The following SULT6B1 variants were observed in gnomAD, a reference collection of about 807,000 sequenced individuals.
SULT6B1 encodes the protein sulfotransferase family 6B member 1.
In SULT6B1, 44 loss-of-function variants were observed where a neutral mutation model predicts 37.2. The ratio of observed to expected loss-of-function variants is 1.18; its 90% CI spans 0.93 to 1.52. The LOEUF (loss-of-function observed/expected upper bound fraction) is 1.52. Among genes scored for constraint, SULT6B1 ranks in the 40% most tolerant of loss-of-function variants. SULT6B1 has a pLI of 0.00. For synonymous variants in SULT6B1, 140 were observed against 126.0 expected (o/e 1.11, Z -0.74); for missense variants, 450 against 361.0 (o/e 1.25, Z -2.00).
At chr2:37,181,155 T>G (rs6708343) in intron 3 of SULT6B1, among the ~76,000 whole-genome samples, 41,300 of 152,056 alleles carry the variant, frequency 0.27, 6,714 homozygotes, top group East Asian at 0.79. Flanking sequence ...TCAATGGGTC[T>G]GGGTCTTGTC....
At chr2:37,193,232 G>C (rs1049179010), upstream of SULT6B1, among the ~76,000 whole-genome samples, 8 of 150,734 alleles carry the variant, frequency 5.3e-5, no homozygotes, top group Non-Finnish European at 1.2e-4. Context: ...GAGGCAGGCG[G>C]ATTGCTTGAG....
Position 37,183,424 on chromosome 2 carries a change from C to A in SULT6B1, c.402+1G>T. The A allele has an allele frequency of 6.2e-7, 1 of 1,612,578 alleles. No homozygotes were observed. Among genetic ancestry groups the A allele is most frequent in the Non-Finnish European group, 8.5e-7 (1 of 1,178,674 alleles). On this transcript the variant is annotated splice_donor_variant, in intron 3 of 6. Coordinates refer to ENST00000535679, the MANE Select transcript of SULT6B1 (RefSeq NM_001367551.1). LOFTEE classifies it high-confidence loss of function. ...AATTATCAGTAGGAAAGGACACTCA[C>A]CTTGGCTTTATTCTCGAAGATAGAC...
intron 1 of SULT6B1, 147 bp downstream of exon 1, chr2:37,188,295 C>T (rs766706483): frequency 1.5e-5 from 9 of 609,730 alleles, no homozygotes; most frequent in Admixed American, 6.1e-5. Context: ...TTACAACCTA[C>T]GTACTTAACC....
At chr2:37,174,960 A>C (rs1418034468) in intron 5 of SULT6B1, among the ~76,000 whole-genome samples, 172 bp downstream of exon 5, 1 of 152,212 alleles carries the variant, frequency 6.6e-6, no homozygotes, top group Non-Finnish European at 1.5e-5. Context: ...TAAATAAACA[A>C]CCTAAGCATG....
At chr2:37,187,221 G>T in intron 2 of SULT6B1, 134 bp downstream of exon 2, 1 of 608,404 alleles carries the variant, frequency 1.6e-6, no homozygotes, top group South Asian at 2.1e-5. Context: ...CAGTGCTGAG[G>T]ATATGGTAAG....
In SULT6B1 at chr2:37,175,149, A is replaced by AT. The variant is rs1676388359; in HGVS notation, c.606dup (p.Tyr203IlefsTer2). 3 of 1,546,868 alleles carry AT rather than the reference A, an allele frequency of 1.9e-6. No individual in the cohort carries two copies. In the African/African-American group the frequency reaches 4.1e-5, roughly 21 times the overall value. On this transcript the variant is annotated frameshift_variant, in exon 5 of 7. Transcript: ENST00000535679. LOFTEE classifies it high-confidence loss of function. ...AATCTCACCTCTTTCAGGTCTTCAT[A>AT]TAATATGAACTTAACATTGTCGCCA... is the stretch of plus-strand genomic sequence containing the variant.
intron 3 of SULT6B1, among the ~76,000 whole-genome samples, chr2:37,181,503 C>T (rs945488004): frequency 6.6e-6 from 1 of 152,082 alleles, no homozygotes; most frequent in Non-Finnish European, 1.5e-5. Flanking sequence ...TCTCAGCCTC[C>T]CAAGTAGCTG....
chr2:37,177,226 C>T (rs114210722), intron 4 of SULT6B1, among the ~76,000 whole-genome samples: 3,626 of 151,466 alleles, frequency 0.024, 66 homozygotes, highest in Middle Eastern at 0.058. Context: ...AAGAAAAATA[C>T]GAAGCCTGGG....
At chr2:37,188,123 G>T (rs1676711963) in intron 1 of SULT6B1, among the ~76,000 whole-genome samples, 1 of 152,174 alleles carries the variant, frequency 6.6e-6, no homozygotes, top group Non-Finnish European at 1.5e-5. Flanking sequence ...CACTGCTACT[G>T]TCACTGTTCC....
chr2:37,188,325 C>T lies in SULT6B1; in HGVS notation c.199+117G>A, dbSNP rs746725279. 1.6e-5 allele frequency: 13 copies of T among 811,572 alleles called. No individual in the cohort carries two copies. In the Admixed American group the frequency reaches 2.7e-4, roughly 17 times the overall value. The allele number at this position is 811,572 out of a possible 1,614,324, so 50.3% of individuals were successfully genotyped here. ...TTAACCACTGTGGCCCTCCTCCTCACTGATGCTCAGACAGATTCCTGCAAT... is the reference window on the plus strand; with the variant it reads ...TTAACCACTGTGGCCCTCCTCCTCATTGATGCTCAGACAGATTCCTGCAAT... On this transcript the variant is annotated intron_variant, in intron 1 of 6. Coordinates refer to ENST00000535679, the MANE Select transcript of SULT6B1 (RefSeq NM_001367551.1).
rs200087048 is a variant in SULT6B1, at chr2:37,185,717, C to CAAAAA, written c.312+1633_312+1637dup. On this transcript the variant is annotated intron_variant, in intron 2 of 6. Coordinates refer to ENST00000535679, the MANE Select transcript of SULT6B1 (RefSeq NM_001367551.1). ...TGGGTGACAGAGTGAGACTCCATTT[C>CAAAAA]AAAAAAAAAAAAAAAAAAAACAGAG... Among the ~76,000 whole-genome samples the CAAAAA allele has an allele frequency of 9.6e-5, 8 of 83,368 alleles. 1 individual carries two copies. The highest frequency in any genetic ancestry group is 4.3e-4 in the South Asian group (1 of 2,332). The allele number at this position is 83,368 out of a possible 152,430, so 54.7% of individuals were successfully genotyped here. A position where few individuals can be genotyped will look rare whatever the true frequency, so the allele number is the denominator to read the frequency against.
At position 37,171,600 on chromosome 2, in the gene SULT6B1, A is replaced by C. The variant is rs368644010; in HGVS notation, c.625-10T>G. On this transcript the variant is annotated splice_polypyrimidine_tract_variant and intron_variant, in intron 5 of 6. Coordinates refer to ENST00000535679, the MANE Select transcript of SULT6B1 (RefSeq NM_001367551.1). ...TTCCAGCAGCCAGATTCTGTAAAAA[A>C]ATTTTCTTAAAGATAAATTTCTTCC... 140 of 1,608,418 alleles carry C rather than the reference A, an allele frequency of 8.7e-5. No homozygotes were observed. Among genetic ancestry groups the C allele is most frequent in the Non-Finnish European group, 1.1e-4 (133 of 1,177,994 alleles).
chr2:37,184,910 G>A (rs149412618), intron 2 of SULT6B1, among the ~76,000 whole-genome samples: 176 of 151,940 alleles, frequency 1.2e-3, no homozygotes, highest in African/African-American at 3.4e-3. Flanking sequence ...AAAATAAAAC[G>A]CACTTTAAAT....
At chr2:37,172,666 C>G (rs1229216998) in intron 5 of SULT6B1, among the ~76,000 whole-genome samples, 1 of 151,680 alleles carries the variant, frequency 6.6e-6, no homozygotes, top group Non-Finnish European at 1.5e-5. Flanking sequence ...TGCCACCACG[C>G]CTGGCTAATT....
At chr2:37,183,374 A>G (rs780352090) in intron 3 of SULT6B1, 51 bp downstream of exon 3, 1 of 1,403,992 alleles carries the variant, frequency 7.1e-7, no homozygotes, top group Non-Finnish European at 9.9e-7. Context: ...CCAAAAACTA[A>G]TATCTATACA....
intron 3 of SULT6B1, among the ~76,000 whole-genome samples, chr2:37,182,710 C>T (rs116371237): frequency 0.023 from 3,531 of 152,052 alleles, 63 homozygotes; most frequent in Middle Eastern, 0.054. Flanking sequence ...AAATAAGGAA[C>T]AGAGGGGAGA....
Position 37,187,453 on chromosome 2 carries a change from G to A in SULT6B1, c.214C>T (p.Leu72Phe). 1 of 1,596,722 alleles carries A rather than the reference G, an allele frequency of 6.3e-7. No homozygotes were observed. The highest frequency in any genetic ancestry group is 8.6e-7 in the Non-Finnish European group (1 of 1,167,568). The change falls in exon 2 of 7, where the codon CTC (leucine) becomes TTC (phenylalanine). Residue 72 changes from leucine (L) to phenylalanine (F), a missense_variant. By Grantham distance (22) the Leu-to-Phe change is conservative. Coordinates refer to ENST00000535679, the MANE Select transcript of SULT6B1 (RefSeq NM_001367551.1). ...TATATTAATTCACTGACAATGTGGA[G>A]AATCCAGTTTGAACCTATCAGAAAA... ...SYPKCGSNWI[L>F]HIVSELIYAV...
At chr2:37,179,702 G>A (rs1676509533) in intron 3 of SULT6B1, 118 bp from the exon 4 acceptor site, 1 of 883,266 alleles carries the variant, frequency 1.1e-6, no homozygotes, top group African/African-American at 1.7e-5. Flanking sequence ...TTAATATATA[G>A]AGAAAGAATG....
intron 4 of SULT6B1, among the ~76,000 whole-genome samples, chr2:37,177,505 C>T (rs1019905388): frequency 1.1e-4 from 16 of 149,350 alleles, no homozygotes; most frequent in African/African-American, 4.0e-4. Flanking sequence ...AAGTCAGATA[C>T]ATAATAGAGA....
Sources: allele counts gnomAD v4.1 joint callset (sites outside exome capture counted in the v4.1 genomes callset), GRCh38; gene constraint gnomAD v4.1.1; transcripts MANE v1.5; gene names NCBI Gene and HGNC (gene_info 2026-07-23, HGNC 2026-07-21).